The following MAFG variants were observed in gnomAD, a reference collection of about 807,000 sequenced individuals.
MAFG encodes the protein MAF bZIP transcription factor G.
MAFG carries 3 observed loss-of-function variants against 12.2 expected under a neutral mutation model. The observed-to-expected ratio is 0.25, with a 90% CI of 0.11 to 0.64. MAFG has a LOEUF of 0.64. MAFG is among the 30% of genes least tolerant of loss of function. The probability of loss-of-function intolerance (pLI) is 0.85; values close to 1 mark genes in which losing one functional copy is unlikely to be tolerated. For missense variants in MAFG, 153 were observed against 235.5 expected, an observed-to-expected ratio of 0.65 and a Z score of 2.29; for synonymous variants, 126 against 109.1, an observed-to-expected ratio of 1.15 and a Z score of -0.96.
rs1215169055 is a variant in MAFG, at chr17:81,926,903, C to T, written c.-30+625G>A. 6.6e-6 allele frequency among the ~76,000 whole-genome samples: 1 copy of T among 152,100 alleles called. No homozygotes were observed. The highest frequency in any genetic ancestry group is 2.4e-5 in the African/African-American group (1 of 41,408). Reference sequence around the variant, plus strand: ...CACCTCCCGCTGGCGGCCTTTTAGTCCCCGAGGCCCCTCGCTCGAATCCCC... The same window carrying T: ...CACCTCCCGCTGGCGGCCTTTTAGTTCCCGAGGCCCCTCGCTCGAATCCCC... On this transcript the variant is annotated intron_variant, in intron 1 of 2. Transcript: ENST00000357736. This position sits in a 1 kb window ranked among gnomAD's most constrained non-coding sequence, Gnocchi z 4.6.
At chr17:81,923,357 T>C (rs1196219116) in intron 1 of MAFG, 143 bp from the exon 2 acceptor site, 21 of 514,026 alleles carry the variant, frequency 4.1e-5, no homozygotes, top group Non-Finnish European at 7.0e-5. Context: ...CAATACCTGA[T>C]AGGAGGCAGC....
Position 81,920,672 on chromosome 17 carries a change from C to G in MAFG, c.*1933G>C, listed in dbSNP as rs2040880201. ...ACAGGGAGGCACCTCCAGCAGAAGC[C>G]AAGCAGCTGATCCCTGGAAGACACA... On this transcript the variant is annotated 3_prime_UTR_variant, in exon 3 of 3. Transcript: ENST00000357736. 6.6e-6 allele frequency: 1 copy of G among 152,332 alleles called. No individual in the cohort carries two copies. The allele number at this position is 152,332 out of a possible 1,614,324, so 9.4% of individuals were successfully genotyped here.
intron 1 of MAFG, among the ~76,000 whole-genome samples, chr17:81,925,510 GAGA>G (rs984705125): frequency 2.0e-5 from 3 of 152,178 alleles, no homozygotes; most frequent in Admixed American, 2.0e-4. Flanking sequence ...ATAAGTGACT[GAGA>G]AGATGTACAT....
chr17:81,923,298 G>A, intron 1 of MAFG, 84 bp from the exon 2 acceptor site: 2 of 863,910 alleles, frequency 2.3e-6, no homozygotes, highest in Non-Finnish European at 3.3e-6. Flanking sequence ...GTTCACAAGA[G>A]CCCTTGCCGC....
rs147720763 is a variant in MAFG, at chr17:81,925,238, G to C, written c.-29-2024C>G. Among the ~76,000 whole-genome samples, 535 of 152,364 alleles carry C rather than the reference G, an allele frequency of 3.5e-3. 2 individuals carry two copies. The highest frequency in any genetic ancestry group is 0.012 in the African/African-American group (504 of 41,580). On this transcript the variant is annotated intron_variant, in intron 1 of 2. Coordinates refer to ENST00000357736, the MANE Select transcript of MAFG (RefSeq NM_002359.4). ...GCTAATAAGCCCACCTCACGCAGGA[G>C]GCACAGATGGTCACGGCTCCGCAAC...
At position 81,918,569 on chromosome 17, in the gene MAFG, C is replaced by T. The variant is rs2040853175; in HGVS notation, c.*4036G>A. On this transcript the variant is annotated 3_prime_UTR_variant, in exon 3 of 3. Coordinates refer to ENST00000357736, the MANE Select transcript of MAFG (RefSeq NM_002359.4). ...AACCTCCATCCCACCCCAGCAGATC[C>T]CGGGGTCTTCTCCCACACACACAAC... 1 of 154,538 alleles carries T rather than the reference C, an allele frequency of 6.5e-6. No individual in the cohort carries two copies. The highest frequency in any genetic ancestry group is 1.4e-5 in the Non-Finnish European group (1 of 69,000). The allele number at this position is 154,538 out of a possible 1,614,324, so 9.6% of individuals were successfully genotyped here.
chr17:81,923,272 C>CCCG, intron 1 of MAFG, 58 bp from the exon 2 acceptor site: 1 of 972,016 alleles, frequency 1.0e-6, no homozygotes, highest in Non-Finnish European at 1.4e-6. Context: ...ACCCCCCCCC[C>CCCG]CCCGCCCCCG....
upstream of MAFG, chr17:81,930,103 C>T (rs905403773): frequency 7.9e-5 from 12 of 152,400 alleles, no homozygotes; most frequent in Non-Finnish European, 1.0e-4. The surrounding 1 kb of genome is among the most constrained non-coding windows in gnomAD (Gnocchi z 4.1). Flanking sequence ...AGATCTCAGC[C>T]AGATGCTGCC....
intron 1 of MAFG, chr17:81,923,422 G>C: frequency 2.2e-6 from 1 of 454,918 alleles, no homozygotes; most frequent in East Asian, 3.6e-5. Flanking sequence ...TGCCCCTAGA[G>C]AACCAGGTGG....
chr17:81,930,937 C>T (rs2040980834), upstream of MAFG, among the ~76,000 whole-genome samples: 1 of 152,244 alleles, frequency 6.6e-6, no homozygotes, highest in South Asian at 2.1e-4. This position sits in a 1 kb window ranked among gnomAD's most constrained non-coding sequence, Gnocchi z 4.1. Flanking sequence ...CCCCCGGCAC[C>T]ATCTCCCTCC....
Position 81,922,570 on chromosome 17 carries a change from G to A in MAFG, c.*35C>T. ...AGCCAAATTCGCCATGTGCCTAGTG[G>A]CCCCGCAAAGACCCGCCTGGGCAGA... On this transcript the variant is annotated 3_prime_UTR_variant, in exon 3 of 3. Transcript: ENST00000357736. The A allele has an allele frequency of 7.1e-7, 1 of 1,406,946 alleles. No individual in the cohort carries two copies. Among genetic ancestry groups the A allele is most frequent in the Non-Finnish European group, 9.3e-7 (1 of 1,074,166 alleles). The allele number at this position is 1,406,946 out of a possible 1,614,324, so 87.2% of individuals were successfully genotyped here. A position where few individuals can be genotyped will look rare whatever the true frequency, so the allele number is the denominator to read the frequency against.
In MAFG at chr17:81,920,252, G is replaced by A. The variant is rs2040876962; in HGVS notation, c.*2353C>T. 6.6e-6 allele frequency: 1 copy of A among 152,236 alleles called. No homozygotes were observed. Among genetic ancestry groups the A allele is most frequent in the African/African-American group, 2.4e-5 (1 of 41,454 alleles). The allele number at this position is 152,236 out of a possible 1,614,324, so 9.4% of individuals were successfully genotyped here. A position where few individuals can be genotyped will look rare whatever the true frequency, so the allele number is the denominator to read the frequency against. ...TATTTCCATTTTCAGGCTGACGCAG[G>A]TAGACACAGGACTTGTCTCTGAACA... On this transcript the variant is annotated 3_prime_UTR_variant, in exon 3 of 3. Transcript: ENST00000357736.
At chr17:81,929,253 G>C (rs1307953262), upstream of MAFG, among the ~76,000 whole-genome samples, 1 of 152,196 alleles carries the variant, frequency 6.6e-6, no homozygotes, top group Admixed American at 6.5e-5. The surrounding 1 kb of genome is among the most constrained non-coding windows in gnomAD (Gnocchi z 5.7). Context: ...CCCCTCCCTG[G>C]GCACTGTCAT....
In MAFG at chr17:81,922,912, T is replaced by C; in HGVS notation, c.182A>G (p.Asn61Ser). ...QLKQRRRTLK[N>S]RGYAASCRVK... ...GCGGCAGCTGGCAGCGTAGCCGCGG[T>C]TCTTGAGCGTGCGCCGGCGCTGCTT... The change falls in exon 3 of 3, where the codon AAC (asparagine) becomes AGC (serine). Residue 61 changes from asparagine to serine, a missense_variant. By Grantham distance (46) the Asn-to-Ser change is conservative. Coordinates refer to ENST00000357736, the MANE Select transcript of MAFG (RefSeq NM_002359.4). The C allele has an allele frequency of 1.2e-6, 2 of 1,610,226 alleles. No individual in the cohort carries two copies. The highest frequency in any genetic ancestry group is 1.7e-6 in the Non-Finnish European group (2 of 1,178,798).
chr17:81,922,523 G>T lies in MAFG; in HGVS notation c.*82C>A. On this transcript the variant is annotated 3_prime_UTR_variant, in exon 3 of 3. Transcript: ENST00000357736. ...GGGAAGAGAGGGAGGAAAGAGAAGAGAAGGAAACAGAGGGACAGGGCAGCC... is the reference window on the plus strand; with the variant it reads ...GGGAAGAGAGGGAGGAAAGAGAAGATAAGGAAACAGAGGGACAGGGCAGCC... The T allele has an allele frequency of 9.2e-7, 1 of 1,088,702 alleles. No homozygotes were observed. The highest frequency in any genetic ancestry group is 1.2e-6 in the Non-Finnish European group (1 of 800,380). The allele number at this position is 1,088,702 out of a possible 1,614,324, so 67.4% of individuals were successfully genotyped here.
Position 81,921,513 on chromosome 17 carries a change from C to T in MAFG, c.*1092G>A. ...GAGTAAGTCACTTTCGGTACAATTGCAAAAGATATCAAAGAGGACGGCCTT... is the reference window on the plus strand; with the variant it reads ...GAGTAAGTCACTTTCGGTACAATTGTAAAAGATATCAAAGAGGACGGCCTT... On this transcript the variant is annotated 3_prime_UTR_variant, in exon 3 of 3. Transcript: ENST00000357736. 6.6e-6 allele frequency: 1 copy of T among 151,286 alleles called. No individual in the cohort carries two copies. The highest frequency in any genetic ancestry group is 1.5e-5 in the Non-Finnish European group (1 of 67,914). 9.4% of individuals were successfully genotyped at this position (151,286 alleles called of 1,614,324 possible).
intron 1 of MAFG, among the ~76,000 whole-genome samples, chr17:81,925,035 G>A (rs540889238): frequency 6.6e-6 from 1 of 152,216 alleles, no homozygotes; most frequent in Non-Finnish European, 1.5e-5. Flanking sequence ...GGGTGGGGGA[G>A]GGGCAGCCCT....
chr17:81,924,902 G>C lies in MAFG; in HGVS notation c.-29-1688C>G, dbSNP rs1385172577. On this transcript the variant is annotated intron_variant, in intron 1 of 2. Coordinates refer to ENST00000357736, the MANE Select transcript of MAFG (RefSeq NM_002359.4). The surrounding 1 kb of genome is among the most constrained non-coding windows in gnomAD (Gnocchi z 4.7). ...CCCCACCCCTGCTGCTAAGCACAAT[G>C]ACAGTGGTGACTTCCTGAAGAGATC... Among the ~76,000 whole-genome samples, 1 of 152,008 alleles carries C rather than the reference G, an allele frequency of 6.6e-6. No individual in the cohort carries two copies. The highest frequency in any genetic ancestry group is 2.4e-5 in the African/African-American group (1 of 41,428).
At chr17:81,925,060 C>T (rs1334305453) in intron 1 of MAFG, among the ~76,000 whole-genome samples, 2 of 152,214 alleles carry the variant, frequency 1.3e-5, no homozygotes, top group African/African-American at 2.4e-5. Flanking sequence ...ACAGCCAGTG[C>T]GTTCCAGGCT....
Sources: allele counts gnomAD v4.1 joint callset (sites outside exome capture counted in the v4.1 genomes callset), GRCh38; gene constraint gnomAD v4.1.1; non-coding constraint Gnocchi (gnomAD v3.1); transcripts MANE v1.5; gene names NCBI Gene and HGNC (gene_info 2026-07-23, HGNC 2026-07-21).